Variants in CXADR observed in about 807,000 individuals in gnomAD.
CXADR encodes CXADR cell adhesion molecule.
In CXADR, 20 loss-of-function variants were observed where a neutral mutation model predicts 40.3. The ratio of observed to expected loss-of-function variants is 0.50; its 90% CI spans 0.35 to 0.72. CXADR has a LOEUF of 0.72. CXADR is among the 30% of genes least tolerant of loss of function. The pLI is 0.01. For synonymous variants in CXADR, 150 were observed against 161.3 expected (o/e 0.93, Z 0.53); for missense variants, 332 against 449.1 (o/e 0.74, Z 2.36).
At chr21:17,628,720 C>G in the CXADR span, among the ~76,000 whole-genome samples, 1 of 152,152 alleles carries the variant, frequency 6.6e-6, no homozygotes, top group Non-Finnish European at 1.5e-5. Context: ...CCAGACTGGT[C>G]TCGAACTCCT....
chr21:17,631,800 C>T, the CXADR span, among the ~76,000 whole-genome samples: 1 of 152,142 alleles, frequency 6.6e-6, no homozygotes, highest in East Asian at 1.9e-4. Context: ...GCTACCCCTA[C>T]GTGTGGTAGA....
intron 7 of CXADR, among the ~76,000 whole-genome samples, chr21:17,579,344 G>T (rs8132829): frequency 0.026 from 3,935 of 151,658 alleles, 154 homozygotes; most frequent in African/African-American, 0.088. Context: ...GAGTGCAGTG[G>T]TGCAGTCTTG....
At chr21:17,522,920 A>G (rs1428299531) in intron 1 of CXADR, among the ~76,000 whole-genome samples, 2 of 152,156 alleles carry the variant, frequency 1.3e-5, no homozygotes, top group Non-Finnish European at 1.5e-5. Flanking sequence ...CTTCTCTCTC[A>G]TATTAATTGG....
chr21:17,563,452 A>G (rs144015684), intron 6 of CXADR, among the ~76,000 whole-genome samples: 1 of 152,178 alleles, frequency 6.6e-6, no homozygotes, highest in African/African-American at 2.4e-5. Flanking sequence ...GGGGATGGCC[A>G]GAACACACAC....
At chr21:17,605,181 G>A in the CXADR span, 1 of 633,164 alleles carries the variant, frequency 1.6e-6, no homozygotes. Flanking sequence ...GAGGCAGCCT[G>A]AAAAAAAGAT....
Position 17,569,702 on chromosome 21 carries a change from T to A in CXADR, c.*4010T>A. The A allele has an allele frequency of 1.0e-6, 1 of 965,442 alleles. No homozygotes were observed. Among genetic ancestry groups the A allele is most frequent in the Non-Finnish European group, 1.2e-6 (1 of 811,842 alleles). The allele number at this position is 965,442 out of a possible 1,614,324, so 59.8% of individuals were successfully genotyped here. Reference sequence around the variant, plus strand: ...CATTATGGTTAACTTTTATAATTTATCTTATTTTATAATTTAAGAATATAG... The same window carrying A: ...CATTATGGTTAACTTTTATAATTTAACTTATTTTATAATTTAAGAATATAG... On this transcript the variant is annotated 3_prime_UTR_variant, in exon 7 of 7. Transcript: ENST00000284878.
chr21:17,513,198 G>C, intron 1 of CXADR, 26 bp downstream of exon 1: 1 of 1,356,408 alleles, frequency 7.4e-7, no homozygotes, highest in Non-Finnish European at 9.5e-7. Context: ...GGGGTCCTCA[G>C]CACCCGCCCA....
the CXADR span, among the ~76,000 whole-genome samples, chr21:17,619,609 AAGAG>A: frequency 7.5e-4 from 113 of 151,228 alleles, 1 homozygote; most frequent in African/African-American, 2.2e-3. Flanking sequence ...AAAAAAAAAA[AAGAG>A]AGAGATTCAG....
chr21:17,599,927 T>C, the CXADR span, among the ~76,000 whole-genome samples: 10 of 152,326 alleles, frequency 6.6e-5, no homozygotes, highest in African/African-American at 2.4e-4. Flanking sequence ...GAGGCAGTTA[T>C]TGAGATTAAA....
At chr21:17,635,775 C>T in the CXADR span, among the ~76,000 whole-genome samples, 4 of 152,174 alleles carry the variant, frequency 2.6e-5, no homozygotes, top group Non-Finnish European at 5.9e-5. Context: ...TGTTCTAGAT[C>T]TTCTGCACTT....
rs919893572 is a variant in CXADR, at chr21:17,566,232, T to C, written c.*540T>C. The C allele has an allele frequency of 1.6e-5, 16 of 977,848 alleles. No homozygotes were observed. The African/African-American group carries it at 1.9e-4, about 12-fold the overall frequency. 60.6% of individuals were successfully genotyped at this position (977,848 alleles called of 1,614,324 possible). A position where few individuals can be genotyped will look rare whatever the true frequency, so the allele number is the denominator to read the frequency against. On this transcript the variant is annotated 3_prime_UTR_variant, in exon 7 of 7. Coordinates refer to ENST00000284878, the MANE Select transcript of CXADR (RefSeq NM_001338.5). ...TGTGTTTGGAATATCTCTAAAAACA[T>C]AGAAAACACTACAGTGGTTTAGAAA...
rs1292253965 is a variant in CXADR at position 17,565,818 on chromosome 21, G to C, written c.*126G>C. Reference sequence around the variant, plus strand: ...TCAAAAAATAAGTTAATCAGGAACTGTACGGAATATATTTTTAAAAATTTT... The same window carrying C: ...TCAAAAAATAAGTTAATCAGGAACTCTACGGAATATATTTTTAAAAATTTT... On this transcript the variant is annotated 3_prime_UTR_variant, in exon 7 of 7. Coordinates refer to ENST00000284878, the MANE Select transcript of CXADR (RefSeq NM_001338.5). 2 of 1,356,326 alleles carry C rather than the reference G, an allele frequency of 1.5e-6. No individual in the cohort carries two copies. The highest frequency in any genetic ancestry group is 3.0e-5 in the African/African-American group (2 of 67,756). The allele number at this position is 1,356,326 out of a possible 1,614,324, so 84.0% of individuals were successfully genotyped here. A position where few individuals can be genotyped will look rare whatever the true frequency, so the allele number is the denominator to read the frequency against.
exon 8 of CXADR, chr21:17,593,343 A>G (rs989565626): frequency 8.6e-5 from 59 of 684,596 alleles, no homozygotes; most frequent in Non-Finnish European, 1.2e-4. Flanking sequence ...GGCATTAGAC[A>G]TGTAAGTCAG....
chr21:17,529,919 C>T (rs1367486375), intron 1 of CXADR, among the ~76,000 whole-genome samples: 1 of 151,594 alleles, frequency 6.6e-6, no homozygotes, highest in African/African-American at 2.4e-5. Context: ...CCTTCCAGTC[C>T]CTTCCTTTAC....
intron 1 of CXADR, among the ~76,000 whole-genome samples, chr21:17,521,523 A>T (rs113545101): frequency 6.6e-6 from 1 of 152,062 alleles, no homozygotes; most frequent in Non-Finnish European, 1.5e-5. Flanking sequence ...GGGCTTCGCC[A>T]TGTTGGCCAG....
chr21:17,557,278 C>T (rs1052700769), intron 3 of CXADR, among the ~76,000 whole-genome samples: 1 of 152,170 alleles, frequency 6.6e-6, no homozygotes, highest in African/African-American at 2.4e-5. Context: ...TCTAGTGTTG[C>T]CCGCAGACCC....
Position 17,561,510 on chromosome 21 carries a change from A to G in CXADR, c.833+34A>G, listed in dbSNP as rs2824359. 0.2 allele frequency: 305,976 copies of G among 1,560,906 alleles called. 31,175 individuals are homozygous for G. The highest frequency in any genetic ancestry group is 0.21 in the South Asian group (18,218 of 84,950). Reference sequence around the variant, plus strand: ...GTGAGACAGGAGTTGACTGATGTATACCAAATATATGTCATTTCTCTAAAG... The same window carrying G: ...GTGAGACAGGAGTTGACTGATGTATGCCAAATATATGTCATTTCTCTAAAG... On this transcript the variant is annotated intron_variant, in intron 6 of 6. Transcript: ENST00000284878.
At chr21:17,544,070 T>C (rs983464244) in intron 1 of CXADR, among the ~76,000 whole-genome samples, 2 of 152,026 alleles carry the variant, frequency 1.3e-5, no homozygotes, top group African/African-American at 4.8e-5. Context: ...ATAAAATTTA[T>C]AGAGGAAAAA....
At chr21:17,632,301 G>A in the CXADR span, among the ~76,000 whole-genome samples, 427 of 148,998 alleles carry the variant, frequency 2.9e-3, no homozygotes, top group African/African-American at 9.9e-3. Flanking sequence ...TAAGATTGAA[G>A]CCTGAGTGAA....
Sources: allele counts gnomAD v4.1 joint callset (sites outside exome capture counted in the v4.1 genomes callset), GRCh38; gene constraint gnomAD v4.1.1; transcripts MANE v1.5; gene names NCBI Gene and HGNC (gene_info 2026-07-23, HGNC 2026-07-21).